SYNE1: variants seen among roughly 807,000 people sequenced by gnomAD.
SYNE1 encodes spectrin repeat containing nuclear envelope protein 1.
Under a neutral mutation model 1,111.0 loss-of-function variants are expected in SYNE1, and 616 were observed. The ratio of observed to expected loss-of-function variants is 0.55; its 90% CI spans 0.52 to 0.59. The LOEUF (loss-of-function observed/expected upper bound fraction) is 0.59, where lower values mean the gene tolerates loss of function less well. Ranked by LOEUF, SYNE1 falls within the 20% of genes least tolerant of loss-of-function variation. SYNE1 has a pLI of 0.00. For missense variants in SYNE1, 10,006 were observed against 10,417.0 expected (o/e 0.96, Z 1.72); for synonymous variants, 3,855 against 3,825.8 (o/e 1.01, Z -0.28).
At chr6:152,265,795 G>A (rs1420310026) in intron 100 of SYNE1, among the ~76,000 whole-genome samples, 1 of 152,042 alleles carries the variant, frequency 6.6e-6, no homozygotes, top group Non-Finnish European at 1.5e-5. Flanking sequence ...CCCTCGACAA[G>A]TAACATAGTA....
At chr6:152,416,257 T>A in intron 41 of SYNE1, 130 bp downstream of exon 41, 1 of 1,302,278 alleles carries the variant, frequency 7.7e-7, no homozygotes, top group Non-Finnish European at 1.1e-6. Context: ...TTTCTTTCTT[T>A]TGGCAGAGTG....
At position 152,218,403 on chromosome 6, in the gene SYNE1, C is replaced by A; in HGVS notation, c.22045G>T (p.Ala7349Ser). 1.2e-6 allele frequency: 2 copies of A among 1,611,108 alleles called. No homozygotes were observed. The highest frequency in any genetic ancestry group is 1.7e-6 in the Non-Finnish European group (2 of 1,179,576). The stretch of plus-strand genomic sequence containing the variant: ...AAGGTTTCATAATCAAGAACTCCAG[C>A]CTTTTTTTCCACAAAAGAAATTGGT... ...ALCKQQTSLQ[A>S]GVLDYETFAK... is the part of the protein sequence containing the mutation. The change falls in exon 121 of 146, where the codon GCT becomes TCT. Residue 7349 changes from alanine to serine, a missense_variant and splice_region_variant. Coordinates refer to ENST00000367255, the MANE Select transcript of SYNE1 (RefSeq NM_182961.4).
chr6:152,200,069 A>T (rs555442990), intron 127 of SYNE1, among the ~76,000 whole-genome samples: 3 of 151,882 alleles, frequency 2.0e-5, no homozygotes, highest in Non-Finnish European at 4.4e-5. Flanking sequence ...ACCGATTTCT[A>T]CCCCCCCAAC....
chr6:152,140,157 C>T lies in SYNE1; in HGVS notation c.25251G>A (p.Val8417=). 1 of 1,614,196 alleles carries T rather than the reference C, an allele frequency of 6.2e-7. No individual in the cohort carries two copies. Among genetic ancestry groups the T allele is most frequent in the East Asian group, 2.2e-5 (1 of 44,884 alleles). The change falls in exon 140 of 146, where the codon GTG becomes GTA. Residue 8417 remains valine, a synonymous_variant. Transcript: ENST00000367255. ...LHSTETQTAG[V]IDRWELLQAQ... ...CCTGGAGAAGCTCCCATCGGTCAAT[C>T]ACACCTGGCAAGACATGCATAGAAC...
chr6:152,469,843 T>C (rs2098795159), intron 16 of SYNE1, among the ~76,000 whole-genome samples: 1 of 152,160 alleles, frequency 6.6e-6, no homozygotes, highest in Admixed American at 6.5e-5. Context: ...CACTGGCTCC[T>C]TGGTATCTAA....
intron 3 of SYNE1, among the ~76,000 whole-genome samples, chr6:152,554,615 G>A (rs2099358989): frequency 6.6e-6 from 1 of 152,026 alleles, no homozygotes; most frequent in South Asian, 2.1e-4. Flanking sequence ...ACCAAACTTG[G>A]TTGTATATTT....
At chr6:152,360,644 G>A (rs2096916389) in intron 64 of SYNE1, among the ~76,000 whole-genome samples, 1 of 152,064 alleles carries the variant, frequency 6.6e-6, no homozygotes, top group African/African-American at 2.4e-5. Context: ...TGTTTTTACT[G>A]CTAGAATCGG....
intron 96 of SYNE1, among the ~76,000 whole-genome samples, chr6:152,282,609 T>G (rs1479448689): frequency 6.6e-6 from 1 of 152,102 alleles, no homozygotes; most frequent in East Asian, 1.9e-4. Flanking sequence ...TTTCATAGAG[T>G]TACTGGGGAC....
rs113038577 is a variant in SYNE1, at chr6:152,211,521, A to G, written c.22562T>C (p.Leu7521Pro). The G allele has an allele frequency of 6.2e-7, 1 of 1,613,910 alleles. No homozygotes were observed. Among genetic ancestry groups the G allele is most frequent in the Non-Finnish European group, 8.5e-7 (1 of 1,179,868 alleles). Residue 7521 changes from leucine (L) to proline (P), a missense_variant, in exon 124 of 146, where the codon CTT (leucine) becomes CCT (proline). Leu to Pro is a moderately conservative substitution (Grantham distance 98). Transcript: ENST00000367255. ...GTCATCAACTTGACCTTGTTCTAGAAGACGTTGCCCATCAATAATGATTGA... is the reference window on the plus strand; with the variant it reads ...GTCATCAACTTGACCTTGTTCTAGAGGACGTTGCCCATCAATAATGATTGA... ...LHSIIIDGQR[L>P]LEQGQVDDRD...
chr6:152,148,525 T>G lies in SYNE1; in HGVS notation c.24643-147A>C, dbSNP rs2059887069. 5.4e-6 allele frequency: 4 copies of G among 735,122 alleles called. No homozygotes were observed. The South Asian group carries it at 6.6e-5, about 12-fold the overall frequency. The allele number at this position is 735,122 out of a possible 1,614,324, so 45.5% of individuals were successfully genotyped here. ...CTGATCACAGAAATACAGGGGACAGTGCTGCTCTAGAGTTTGACTGTCTGG... is the reference window on the plus strand; with the variant it reads ...CTGATCACAGAAATACAGGGGACAGGGCTGCTCTAGAGTTTGACTGTCTGG... On this transcript the variant is annotated intron_variant, in intron 136 of 145. Coordinates refer to ENST00000367255, the MANE Select transcript of SYNE1 (RefSeq NM_182961.4). This position sits in a 1 kb window ranked among gnomAD's most constrained non-coding sequence, Gnocchi z 4.1.
chr6:152,307,910 G>T (rs1354068873), intron 91 of SYNE1, among the ~76,000 whole-genome samples: 1 of 152,164 alleles, frequency 6.6e-6, no homozygotes. Context: ...TTGGCTCACT[G>T]CAACCTCTGC....
At chr6:152,250,138 C>A (rs2088696047) in intron 104 of SYNE1, among the ~76,000 whole-genome samples, 1 of 151,844 alleles carries the variant, frequency 6.6e-6, no homozygotes, top group South Asian at 2.1e-4. Context: ...CAGTGGCATG[C>A]CTGTAGTCCT....
Position 152,398,492 on chromosome 6 carries a change from C to G in SYNE1, c.7350+127G>C, listed in dbSNP as rs2097768475. 5.1e-6 allele frequency: 4 copies of G among 781,018 alleles called. No individual in the cohort carries two copies. In the South Asian group the frequency reaches 5.7e-5, roughly 11 times the overall value. The allele number at this position is 781,018 out of a possible 1,614,324, so 48.4% of individuals were successfully genotyped here. ...GTCTATTTCCTTCTGACTCAATCAG[C>G]CTAATTCTGTTAGGGACGAGGAAAA... On this transcript the variant is annotated intron_variant, in intron 49 of 145. Coordinates refer to ENST00000367255, the MANE Select transcript of SYNE1 (RefSeq NM_182961.4).
chr6:152,268,187 C>G, intron 99 of SYNE1, 22 bp from the exon 100 acceptor site: 5 of 1,580,544 alleles, frequency 3.2e-6, no homozygotes, highest in Non-Finnish European at 4.3e-6. Context: ...AAAGGACAAA[C>G]GCAAACACAT....
In SYNE1 at chr6:152,156,118, C is replaced by T. The variant is rs772003997; in HGVS notation, c.23791-21G>A. On this transcript the variant is annotated intron_variant, in intron 131 of 145. Transcript: ENST00000367255. ...AGCTCCTGCAGGGGAACGTAACAGG[C>T]TTTATTCAACAATTACATGTATACA... 2.5e-6 allele frequency: 4 copies of T among 1,613,768 alleles called. No individual in the cohort carries two copies. The East Asian group carries it at 8.9e-5, about 36-fold the overall frequency.
chr6:152,419,634 T>C lies in SYNE1; in HGVS notation c.5356A>G (p.Ser1786Gly), dbSNP rs1592308081. Residue 1786 changes from serine (S) to glycine (G), a missense_variant, in exon 40 of 146, where the codon AGT becomes GGT. Physicochemically the swap from Ser to Gly is moderately conservative, Grantham distance 56. This residue lies in a region of SYNE1 where 4,955 missense variants were observed against 5,017.2 expected (regional missense o/e 0.99). Coordinates refer to ENST00000367255, the MANE Select transcript of SYNE1 (RefSeq NM_182961.4). ...SFSVWIKLFL[S>G]ELQTTSEISI... ...ATCTCAGAGGTAGTTTGTAATTCAC[T>C]GAGAAACAGTTTAATCCAGACAGAA... 6.2e-7 allele frequency: 1 copy of C among 1,613,762 alleles called. No individual in the cohort carries two copies. Among genetic ancestry groups the C allele is most frequent in the Non-Finnish European group, 8.5e-7 (1 of 1,179,946 alleles).
chr6:152,329,836 T>C lies in SYNE1; in HGVS notation c.14849A>G (p.Glu4950Gly). 2 of 1,614,174 alleles carry C rather than the reference T, an allele frequency of 1.2e-6. No homozygotes were observed. The highest frequency in any genetic ancestry group is 1.7e-6 in the Non-Finnish European group (2 of 1,180,026). The part of the protein sequence containing the change: ...IMNALSHKEK[E>G]KFTKAKELIS... ...CAGCTCCTTGGCCTTTGTGAACTTC[T>C]CCTTTTCCTTGTGACTCAGCGCATT... Residue 4950 changes from glutamate (E) to glycine (G), a missense_variant, in exon 78 of 146, where the codon GAG (glutamate) becomes GGG (glycine). Physicochemically the swap from Glu to Gly is moderately conservative, Grantham distance 98. Coordinates refer to ENST00000367255, the MANE Select transcript of SYNE1 (RefSeq NM_182961.4).
At chr6:152,455,341 C>A (rs990855806) in intron 24 of SYNE1, 85 bp downstream of exon 24, 16 of 1,449,656 alleles carry the variant, frequency 1.1e-5, no homozygotes, top group Non-Finnish European at 1.4e-5. Flanking sequence ...CCTTCTGTAT[C>A]AGATCAGCAT....
At chr6:152,593,151 T>C (rs140388373) in intron 3 of SYNE1, among the ~76,000 whole-genome samples, 31 of 152,372 alleles carry the variant, frequency 2.0e-4, no homozygotes, top group African/African-American at 7.5e-4. Context: ...TTTATATCAA[T>C]TAACTTGTGG....
Sources: allele counts gnomAD v4.1 joint callset (sites outside exome capture counted in the v4.1 genomes callset), GRCh38; gene constraint gnomAD v4.1.1; regional missense constraint gnomAD v4.1.1; non-coding constraint Gnocchi (gnomAD v3.1); transcripts MANE v1.5; gene names NCBI Gene and HGNC (gene_info 2026-07-23, HGNC 2026-07-21).